The following TASP1 variants were observed in gnomAD, a reference collection of about 807,000 sequenced individuals.
TASP1 encodes threonine aspartase 1.
A neutral mutation model predicts 56.6 loss-of-function variants in TASP1; 16 were observed. That is an observed-to-expected ratio of 0.28 (90% CI 0.19 to 0.43). TASP1 has a LOEUF of 0.43. Ranked by LOEUF, TASP1 falls within the 20% of genes least tolerant of loss-of-function variation. The probability of loss-of-function intolerance (pLI) is 1.00; values close to 1 mark genes in which losing one functional copy is unlikely to be tolerated. For missense variants in TASP1, 393 were observed against 511.6 expected (o/e 0.77, Z 2.24); for synonymous variants, 179 against 184.2 (o/e 0.97, Z 0.23).
chr20:13,606,215 A>C (rs1416646560), intron 4 of TASP1, among the ~76,000 whole-genome samples: 1 of 152,090 alleles, frequency 6.6e-6, no homozygotes, highest in African/African-American at 2.4e-5. Flanking sequence ...TATTATAAAG[A>C]AGAATGAAGT....
At chr20:13,270,822 T>C in the TASP1 span, 1 of 1,378,666 alleles carries the variant, frequency 7.3e-7, no homozygotes, top group Non-Finnish European at 1.0e-6. Flanking sequence ...TGGAAACTGC[T>C]GCCTTACCTC....
chr20:13,238,446 T>C, the TASP1 span, among the ~76,000 whole-genome samples: 2 of 152,244 alleles, frequency 1.3e-5, no homozygotes, highest in South Asian at 2.1e-4. Flanking sequence ...AGGGTAAACA[T>C]TTTTTTAAGG....
At chr20:13,265,145 A>G in the TASP1 span, among the ~76,000 whole-genome samples, 12 of 152,138 alleles carry the variant, frequency 7.9e-5, no homozygotes. Context: ...AACCCTTTGG[A>G]TCTATAAACC....
At chr20:13,503,250 C>T (rs2044010982) in intron 10 of TASP1, among the ~76,000 whole-genome samples, 1 of 152,096 alleles carries the variant, frequency 6.6e-6, no homozygotes, top group Non-Finnish European at 1.5e-5. Flanking sequence ...CCCAAATTCT[C>T]TATTCACAAC....
chr20:13,155,042 A>G, the TASP1 span, among the ~76,000 whole-genome samples: 1 of 152,016 alleles, frequency 6.6e-6, no homozygotes, highest in Non-Finnish European at 1.5e-5. Context: ...TTAGGTGGGC[A>G]TGGTGGTGCA....
chr20:13,420,088 G>A (rs1185112910), intron 12 of TASP1, among the ~76,000 whole-genome samples: 1 of 152,044 alleles, frequency 6.6e-6, no homozygotes, highest in Non-Finnish European at 1.5e-5. Flanking sequence ...CTCATGCCCC[G>A]AATATTAAGG....
Position 13,466,198 on chromosome 20 carries a change from T to TA in TASP1, c.985+17028dup, listed in dbSNP as rs199864983. Among the ~76,000 whole-genome samples, 53 of 151,054 alleles carry TA rather than the reference T, an allele frequency of 3.5e-4. 3 individuals carry two copies. Among genetic ancestry groups the TA allele is most frequent in the African/African-American group, 1.2e-3 (51 of 41,158 alleles). Reference sequence around the variant, plus strand: ...GTTAAGTCAAAATTAAAAGTTTAATTAAAAAAAAACCTTCAAATTGGAAAC... The same window carrying TA: ...GTTAAGTCAAAATTAAAAGTTTAATTAAAAAAAAAACCTTCAAATTGGAAAC... On this transcript the variant is annotated intron_variant, in intron 11 of 13. Transcript: ENST00000337743.
chr20:13,397,318 T>C (rs1401802246), intron 13 of TASP1, among the ~76,000 whole-genome samples: 1 of 152,234 alleles, frequency 6.6e-6, no homozygotes, highest in Non-Finnish European at 1.5e-5. Flanking sequence ...TAAGTCCCTA[T>C]ATTTGCATAA....
At chr20:13,636,813 G>C (rs1763005366) in intron 1 of TASP1, among the ~76,000 whole-genome samples, 2 of 152,084 alleles carry the variant, frequency 1.3e-5, no homozygotes, top group Non-Finnish European at 2.9e-5. Context: ...GAACTGGATA[G>C]CCACATGCAA....
At position 13,519,325 on chromosome 20, in the gene TASP1, CAG is replaced by C. The variant is rs1194830005; in HGVS notation, c.874+9106_874+9107del. 5.3e-5 allele frequency among the ~76,000 whole-genome samples: 8 copies of C among 152,080 alleles called. No individual in the cohort carries two copies. In the South Asian group the frequency reaches 1.7e-3, roughly 32 times the overall value. On this transcript the variant is annotated intron_variant, in intron 10 of 13. Coordinates refer to ENST00000337743, the MANE Select transcript of TASP1 (RefSeq NM_017714.3). ...ACCTGCAAATGTACCCATGAATCTACAGTAAAAGTTGAAATTAAAAGAAAGAA... is the reference window on the plus strand; with the variant it reads ...ACCTGCAAATGTACCCATGAATCTACTAAAAGTTGAAATTAAAAGAAAGAA...
chr20:13,469,579 T>C (rs904602341), intron 11 of TASP1, among the ~76,000 whole-genome samples: 1 of 152,102 alleles, frequency 6.6e-6, no homozygotes. Flanking sequence ...AGAAAAATAA[T>C]TGAACTTCCC....
intron 4 of TASP1, among the ~76,000 whole-genome samples, chr20:13,588,996 T>C (rs963671506): frequency 1.3e-5 from 2 of 151,858 alleles, no homozygotes; most frequent in Non-Finnish European, 2.9e-5. Context: ...TAATACACCC[T>C]TATAATCAAT....
the TASP1 span, among the ~76,000 whole-genome samples, chr20:13,337,770 C>T: frequency 6.6e-6 from 1 of 152,102 alleles, no homozygotes; most frequent in Non-Finnish European, 1.5e-5. Context: ...AACCAGAGGC[C>T]AGAAGGAAAG....
intron 10 of TASP1, among the ~76,000 whole-genome samples, chr20:13,510,282 A>C (rs1384602458): frequency 3.9e-5 from 6 of 152,168 alleles, no homozygotes; most frequent in African/African-American, 7.2e-5. Context: ...TTTCCACACT[A>C]ATTTTGCAAA....
the TASP1 span, among the ~76,000 whole-genome samples, chr20:13,245,087 C>G: frequency 4.6e-5 from 7 of 152,276 alleles, no homozygotes; most frequent in South Asian, 2.1e-4. Context: ...TCCCTGCCAC[C>G]CCATGTTGGT....
At chr20:13,527,608 A>G (rs913182529) in intron 10 of TASP1, among the ~76,000 whole-genome samples, 1 of 152,088 alleles carries the variant, frequency 6.6e-6, no homozygotes, top group Non-Finnish European at 1.5e-5. Flanking sequence ...TCTCCTGCAC[A>G]CACGCACGCA....
At chr20:13,338,344 C>T in the TASP1 span, among the ~76,000 whole-genome samples, 135 of 152,226 alleles carry the variant, frequency 8.9e-4, 1 homozygote, top group Admixed American at 2.4e-3. Flanking sequence ...TCACTTTCAT[C>T]GCCATCTTGG....
chr20:13,512,936 G>C (rs1221148587), intron 10 of TASP1, among the ~76,000 whole-genome samples: 2 of 152,054 alleles, frequency 1.3e-5, no homozygotes, highest in African/African-American at 4.8e-5. Flanking sequence ...ATTTCTGAGG[G>C]CTCTGTTCTG....
At chr20:13,297,984 C>A in the TASP1 span, among the ~76,000 whole-genome samples, 1 of 152,188 alleles carries the variant, frequency 6.6e-6, no homozygotes, top group East Asian at 1.9e-4. Context: ...GGTTAAGAGG[C>A]TGGGGGAACC....
Sources: gnomAD v4.1 joint callset for allele counts (sites outside exome capture counted in the v4.1 genomes callset) on GRCh38, gnomAD v4.1.1 for gene constraint, MANE v1.5 for transcripts, NCBI Gene and HGNC (gene_info 2026-07-23, HGNC 2026-07-21) for gene names.